The following SPECC1 variants were observed in gnomAD, a reference collection of about 807,000 sequenced individuals.
The protein encoded by SPECC1 is sperm antigen with calponin homology and coiled-coil domains 1, also known as cytospin-B.
Under a neutral mutation model 104.1 loss-of-function variants are expected in SPECC1, and 62 were observed. That is an observed-to-expected ratio of 0.60 (90% CI 0.49 to 0.74). SPECC1 has a LOEUF of 0.74. Among genes scored for constraint, SPECC1 ranks in the 30% least tolerant of loss-of-function variants. The pLI, the probability that SPECC1 is intolerant of heterozygous loss-of-function variation, is 0.00. For missense variants in SPECC1, 1,306 were observed against 1,310.5 expected (o/e 1.00, Z 0.05); for synonymous variants, 513 against 501.6 (o/e 1.02, Z -0.30).
chr17:20,126,140 G>A (rs1035255295), intron 3 of SPECC1, among the ~76,000 whole-genome samples: 1 of 151,980 alleles, frequency 6.6e-6, no homozygotes, highest in Admixed American at 6.6e-5. Context: ...AGTTCTCCAT[G>A]TCCTCTCTTC....
chr17:20,149,225 ACT>A (rs2152565653), intron 3 of SPECC1, among the ~76,000 whole-genome samples: 1 of 152,122 alleles, frequency 6.6e-6, no homozygotes, highest in African/African-American at 2.4e-5. Context: ...AAGAACACAA[ACT>A]CTGGAGTTAA....
intron 5 of SPECC1, 152 bp downstream of exon 5, chr17:20,227,772 G>A (rs1000133660): frequency 4.6e-5 from 31 of 668,114 alleles, no homozygotes; most frequent in Admixed American, 4.0e-4. Flanking sequence ...AAAATTAGCC[G>A]GGCGTGGTGG....
chr17:20,033,117 C>T (rs2044894662), intron 1 of SPECC1, among the ~76,000 whole-genome samples: 1 of 152,020 alleles, frequency 6.6e-6, no homozygotes, highest in Non-Finnish European at 1.5e-5. Flanking sequence ...GCATCCACCA[C>T]CATGCCTGGC....
intron 7 of SPECC1, chr17:20,238,247 A>G (rs939739369): frequency 6.7e-6 from 7 of 1,040,854 alleles, no homozygotes; most frequent in Non-Finnish European, 6.9e-6. Flanking sequence ...AAACGATTGA[A>G]TGACAACTAC....
At chr17:20,115,683 A>G (rs762241009) in intron 3 of SPECC1, among the ~76,000 whole-genome samples, 5 of 152,232 alleles carry the variant, frequency 3.3e-5, no homozygotes, top group Non-Finnish European at 7.3e-5. Context: ...AGTTATCTCT[A>G]TAGATACAGA....
intron 1 of SPECC1, among the ~76,000 whole-genome samples, chr17:20,032,739 C>G (rs2044868670): frequency 1.3e-5 from 2 of 151,820 alleles, no homozygotes; most frequent in African/African-American, 4.8e-5. Flanking sequence ...AATGGTTACT[C>G]CAAAGTCTTT....
intron 3 of SPECC1, chr17:20,155,829 C>A: frequency 2.5e-6 from 2 of 802,478 alleles, no homozygotes; most frequent in Non-Finnish European, 3.1e-6. Flanking sequence ...CGGTGCGTCC[C>A]GCCCACGGCG....
At chr17:20,171,493 GC>G (rs2034085561) in intron 3 of SPECC1, among the ~76,000 whole-genome samples, 3 of 152,228 alleles carry the variant, frequency 2.0e-5, no homozygotes. Context: ...AGAAAACAGG[GC>G]TTGAAGTATC....
chr17:20,175,089 A>T (rs1597884443), intron 3 of SPECC1, among the ~76,000 whole-genome samples: 1 of 152,070 alleles, frequency 6.6e-6, no homozygotes, highest in Non-Finnish European at 1.5e-5. Flanking sequence ...TTTTGGCGGG[A>T]GAGCCCTGGC....
intron 1 of SPECC1, among the ~76,000 whole-genome samples, chr17:20,054,688 G>C (rs1403977538): frequency 4.0e-5 from 6 of 151,652 alleles, no homozygotes; most frequent in African/African-American, 1.5e-4. Context: ...TTTTGGGGGG[G>C]GTGGTGTCTT....
At chr17:20,144,120 G>A (rs2031172183) in intron 3 of SPECC1, among the ~76,000 whole-genome samples, 1 of 151,364 alleles carries the variant, frequency 6.6e-6, no homozygotes, top group African/African-American at 2.4e-5. Flanking sequence ...CAGTTGGGAC[G>A]ATAAGTAAAT....
At chr17:20,185,666 G>A (rs915251151) in intron 3 of SPECC1, among the ~76,000 whole-genome samples, 38 of 152,098 alleles carry the variant, frequency 2.5e-4, no homozygotes, top group African/African-American at 9.2e-4. Context: ...GTAAGGGTTA[G>A]TAAACAGCAG....
At chr17:20,161,367 G>A (rs2151129383) in intron 3 of SPECC1, among the ~76,000 whole-genome samples, 1 of 152,254 alleles carries the variant, frequency 6.6e-6, no homozygotes, top group South Asian at 2.1e-4. Flanking sequence ...TCCCCCTCCT[G>A]CACTTATTCC....
At chr17:20,177,786 T>C (rs1020925537) in intron 3 of SPECC1, among the ~76,000 whole-genome samples, 5 of 152,190 alleles carry the variant, frequency 3.3e-5, no homozygotes, top group African/African-American at 1.2e-4. Flanking sequence ...CTCGGCTCAC[T>C]GCAACCTCCG....
At chr17:20,259,642 A>G (rs1338395485) in intron 11 of SPECC1, among the ~76,000 whole-genome samples, 1 of 151,964 alleles carries the variant, frequency 6.6e-6, no homozygotes, top group Non-Finnish European at 1.5e-5. Flanking sequence ...AGTAGCTGGG[A>G]TTAGAGATGC....
chr17:20,144,030 T>G (rs79899527), intron 3 of SPECC1, among the ~76,000 whole-genome samples: 2,042 of 152,162 alleles, frequency 0.013, 39 homozygotes, highest in East Asian at 0.083. Flanking sequence ...AAGAGCACAC[T>G]ATGTGAGTTC....
At chr17:20,099,448 G>A (rs1033145526) in intron 2 of SPECC1, among the ~76,000 whole-genome samples, 2 of 149,044 alleles carry the variant, frequency 1.3e-5, no homozygotes, top group African/African-American at 5.0e-5. Context: ...TGAGGTGGAT[G>A]GATCACCTGA....
intron 4 of SPECC1, among the ~76,000 whole-genome samples, chr17:20,207,714 T>G (rs895564352): frequency 6.6e-5 from 10 of 152,356 alleles, no homozygotes; most frequent in African/African-American, 2.4e-4. Context: ...CCTTTTGCTG[T>G]ATGTCCTTTC....
At chr17:20,110,887 G>A (rs1323377020) in intron 3 of SPECC1, among the ~76,000 whole-genome samples, 2 of 151,966 alleles carry the variant, frequency 1.3e-5, no homozygotes, top group Admixed American at 1.3e-4. Context: ...TCTTGATACA[G>A]AATGCATTAG....
Sources: allele counts gnomAD v4.1 joint callset (sites outside exome capture counted in the v4.1 genomes callset), GRCh38; gene constraint gnomAD v4.1.1; transcripts MANE v1.5; gene names NCBI Gene and HGNC (gene_info 2026-07-23, HGNC 2026-07-21).